The following ATP11A variants were observed in gnomAD, a reference collection of about 807,000 sequenced individuals.
ATP11A encodes the protein phospholipid-transporting ATPase IH.
ATP11A carries 81 observed loss-of-function variants against 154.4 expected under a neutral mutation model. The observed-to-expected ratio is 0.52, with a 90% CI of 0.44 to 0.63. The LOEUF (loss-of-function observed/expected upper bound fraction) is 0.63. Among genes scored for constraint, ATP11A ranks in the 30% least tolerant of loss-of-function variants. The pLI, the probability that ATP11A is intolerant of heterozygous loss-of-function variation, is 0.00. For synonymous variants in ATP11A, 623 were observed against 585.9 expected, an observed-to-expected ratio of 1.06 and a Z score of -0.91; for missense variants, 1,316 against 1,474.3, an observed-to-expected ratio of 0.89 and a Z score of 1.76.
chr13:112,766,432 G>T (rs2077078083), intron 1 of ATP11A, among the ~76,000 whole-genome samples: 1 of 152,170 alleles, frequency 6.6e-6, no homozygotes, highest in South Asian at 2.1e-4. Flanking sequence ...TCACCCAGAG[G>T]CTGTCACAGG....
At position 112,832,920 on chromosome 13, in the gene ATP11A, G is replaced by T; in HGVS notation, c.1456G>T (p.Asp486Tyr). Residue 486 changes from aspartate (D) to tyrosine (Y), a missense_variant, in exon 14 of 30, where the codon GAT (aspartate) becomes TAT (tyrosine). Physicochemically the swap from Asp to Tyr is radical, Grantham distance 160 (BLOSUM62 -3). Around this residue, in one of 5 missense-constraint regions of ATP11A, gnomAD observed 876 missense variants for 1,006.8 expected, o/e 0.87. Transcript: ENST00000375645. The part of the protein sequence containing the change: ...CLCHTVQVKD[D>Y]DSVDGPRKSP... ...CTGCCACACCGTCCAGGTGAAAGACGATGACAGCGTAGACGGCCCCAGGAA... is the reference window on the plus strand; with the variant it reads ...CTGCCACACCGTCCAGGTGAAAGACTATGACAGCGTAGACGGCCCCAGGAA... 6.2e-7 allele frequency: 1 copy of T among 1,614,130 alleles called. No homozygotes were observed. The highest frequency in any genetic ancestry group is 8.5e-7 in the Non-Finnish European group (1 of 1,179,998).
intron 13 of ATP11A, 76 bp downstream of exon 13, chr13:112,831,624 C>T (rs1566544047): frequency 1.3e-6 from 2 of 1,524,762 alleles, no homozygotes; most frequent in African/African-American, 2.7e-5. Flanking sequence ...CCCCTTTTCA[C>T]TCGAGTGTCC....
chr13:112,880,691 G>T (rs1425537621), intron 29 of ATP11A: 4 of 1,254,728 alleles, frequency 3.2e-6, no homozygotes, highest in Middle Eastern at 2.2e-4. Flanking sequence ...TGCTGTGACT[G>T]TCAGACCCGT....
At chr13:112,763,499 A>G (rs1405146395) in intron 1 of ATP11A, among the ~76,000 whole-genome samples, 1 of 152,216 alleles carries the variant, frequency 6.6e-6, no homozygotes, top group Non-Finnish European at 1.5e-5. Flanking sequence ...ATATTTTGAA[A>G]TGGCCCCTCA....
intron 1 of ATP11A, among the ~76,000 whole-genome samples, chr13:112,726,803 T>A (rs928847619): frequency 6.6e-6 from 1 of 152,176 alleles, no homozygotes; most frequent in Non-Finnish European, 1.5e-5. Context: ...GCTGAAAGTG[T>A]GCCATGAGAA....
intron 2 of ATP11A, among the ~76,000 whole-genome samples, chr13:112,794,488 G>A (rs1471496863): frequency 1.3e-5 from 2 of 152,206 alleles, no homozygotes; most frequent in Non-Finnish European, 2.9e-5. Context: ...GACAATAGTA[G>A]TGGTCAGCAG....
chr13:112,742,053 CT>C (rs951409120), intron 1 of ATP11A, among the ~76,000 whole-genome samples: 4 of 152,038 alleles, frequency 2.6e-5, no homozygotes, highest in Non-Finnish European at 5.9e-5. Flanking sequence ...AGTGCTCCCC[CT>C]CCCCACAGTG....
intron 1 of ATP11A, among the ~76,000 whole-genome samples, chr13:112,771,897 G>A (rs982586066): frequency 7.9e-5 from 12 of 152,212 alleles, no homozygotes; most frequent in Admixed American, 2.6e-4. Context: ...GAACCAGTCC[G>A]GTGGGGAGTG....
At chr13:112,881,320 A>G in intron 29 of ATP11A, 1 of 1,006,176 alleles carries the variant, frequency 9.9e-7, no homozygotes, top group East Asian at 1.0e-4. Context: ...GTGACATCCT[A>G]GGCAACATGT....
intron 5 of ATP11A, among the ~76,000 whole-genome samples, chr13:112,814,614 C>T (rs573252036): frequency 4.4e-4 from 67 of 152,294 alleles, no homozygotes; most frequent in Non-Finnish European, 9.4e-4. Flanking sequence ...GGATGGCTGG[C>T]TGTCCCTTTT....
chr13:112,794,533 A>C (rs554854112), intron 2 of ATP11A, among the ~76,000 whole-genome samples: 3 of 152,318 alleles, frequency 2.0e-5, no homozygotes, highest in East Asian at 3.9e-4. Flanking sequence ...GAGATTACAC[A>C]GCATCATGGG....
chr13:112,792,606 G>A (rs1051290185), intron 2 of ATP11A, among the ~76,000 whole-genome samples: 3 of 152,186 alleles, frequency 2.0e-5, no homozygotes, highest in Non-Finnish European at 2.9e-5. Context: ...TCTGTTTGAC[G>A]GAAGTGCAGT....
intron 1 of ATP11A, among the ~76,000 whole-genome samples, chr13:112,732,756 C>T (rs183395937): frequency 3.7e-4 from 56 of 152,152 alleles, no homozygotes; most frequent in Non-Finnish European, 7.7e-4. Context: ...GGACTGCAGG[C>T]GCACGCCACC....
intron 7 of ATP11A, 42 bp downstream of exon 7, chr13:112,819,449 C>T (rs765832036): frequency 4.5e-6 from 7 of 1,561,162 alleles, no homozygotes; most frequent in Non-Finnish European, 5.3e-6. Flanking sequence ...GTTTTTTATG[C>T]CCTCAACATT....
chr13:112,878,559 G>A (rs2080797742), intron 29 of ATP11A: 1 of 562,318 alleles, frequency 1.8e-6, no homozygotes. Context: ...ACCCACCTGT[G>A]TGAGGGTTCA....
chr13:112,870,026 C>T (rs1436739732), intron 25 of ATP11A, among the ~76,000 whole-genome samples: 4 of 152,290 alleles, frequency 2.6e-5, no homozygotes, highest in Middle Eastern at 3.4e-3. Context: ...GTCTCCACCA[C>T]GGCCAGGTGT....
intron 1 of ATP11A, among the ~76,000 whole-genome samples, chr13:112,769,512 G>A (rs766318188): frequency 2.0e-5 from 3 of 152,250 alleles, no homozygotes; most frequent in Non-Finnish European, 4.4e-5. Flanking sequence ...GCACACTGGA[G>A]CAGGGACCTT....
intron 1 of ATP11A, among the ~76,000 whole-genome samples, chr13:112,706,229 G>C (rs889264440): frequency 6.6e-6 from 1 of 152,158 alleles, no homozygotes; most frequent in African/African-American, 2.4e-5. Context: ...AGGTAAAAAG[G>C]TAAAAACTTG....
chr13:112,863,750 G>A (rs1456725220), intron 25 of ATP11A, among the ~76,000 whole-genome samples: 1 of 91,754 alleles, frequency 1.1e-5, no homozygotes, highest in African/African-American at 4.0e-5. Flanking sequence ...ATTCAGTGCA[G>A]CCCATGCAGC....
Sources: gnomAD v4.1 joint callset for allele counts (sites outside exome capture counted in the v4.1 genomes callset) on GRCh38, gnomAD v4.1.1 for gene constraint, gnomAD v4.1.1 regional missense constraint, MANE v1.5 for transcripts, NCBI Gene and HGNC (gene_info 2026-07-23, HGNC 2026-07-21) for gene names.